Variants in ACYP2 observed in about 807,000 individuals in gnomAD.
ACYP2 encodes acylphosphatase 2.
Under a neutral mutation model 11.2 loss-of-function variants are expected in ACYP2, and 12 were observed. The ratio of observed to expected loss-of-function variants is 1.08; its 90% CI spans 0.69 to 1.74. The LOEUF is 1.74. Ranked by LOEUF, ACYP2 falls within the 40% of genes most tolerant of loss-of-function variation. The pLI is 0.00. For synonymous variants in ACYP2, 43 were observed against 32.2 expected (o/e 1.33, Z -1.13); for missense variants, 134 against 101.9 (o/e 1.31, Z -1.35).
chr2:54,090,729 C>T (rs949660315), intron 4 of ACYP2, among the ~76,000 whole-genome samples: 4 of 152,224 alleles, frequency 2.6e-5, no homozygotes, highest in Non-Finnish European at 5.9e-5. Context: ...CGCTCTTCCT[C>T]TTTCTCTTTG....
At chr2:54,089,536 G>A (rs1391668565) in intron 4 of ACYP2, among the ~76,000 whole-genome samples, 2 of 151,760 alleles carry the variant, frequency 1.3e-5, no homozygotes, top group East Asian at 2.0e-4. Context: ...TGAGGAGTTC[G>A]AGACCAGCCT....
At chr2:54,105,022 C>G (rs940879340) in intron 4 of ACYP2, among the ~76,000 whole-genome samples, 2 of 152,108 alleles carry the variant, frequency 1.3e-5, no homozygotes, top group Admixed American at 1.3e-4. Context: ...CTAGTGGTCT[C>G]TGGAAGATAT....
At chr2:54,286,168 G>A (rs1285574159) in intron 6 of ACYP2, among the ~76,000 whole-genome samples, 5 of 150,334 alleles carry the variant, frequency 3.3e-5, no homozygotes, top group South Asian at 2.1e-4. Flanking sequence ...CAAGATGGGA[G>A]GATTTCTTGA....
chr2:54,300,171 T>A (rs553548241), intron 6 of ACYP2, among the ~76,000 whole-genome samples: 9 of 152,322 alleles, frequency 5.9e-5, no homozygotes, highest in Admixed American at 1.3e-4. Context: ...ATGAGTCCAC[T>A]CATCTCTTGA....
intron 4 of ACYP2, among the ~76,000 whole-genome samples, chr2:54,072,254 T>G (rs1426465201): frequency 6.6e-6 from 1 of 152,174 alleles, no homozygotes; most frequent in Admixed American, 6.5e-5. Flanking sequence ...TTTTCCAAAT[T>G]AATCTACAGA....
intron 6 of ACYP2, among the ~76,000 whole-genome samples, chr2:54,220,410 C>T (rs537733068): frequency 1.2e-4 from 18 of 152,250 alleles, no homozygotes; most frequent in Admixed American, 1.0e-3. Context: ...ACTTAAATTT[C>T]AATGCAGTTA....
intron 4 of ACYP2, among the ~76,000 whole-genome samples, chr2:54,117,754 CT>C (rs961870303): frequency 6.6e-6 from 1 of 152,076 alleles, no homozygotes; most frequent in Non-Finnish European, 1.5e-5. Context: ...GTAAAGAGAT[CT>C]TTTTTTAATT....
At chr2:54,137,720 G>T (rs1159289804) in intron 5 of ACYP2, among the ~76,000 whole-genome samples, 1 of 152,126 alleles carries the variant, frequency 6.6e-6, no homozygotes, top group Non-Finnish European at 1.5e-5. Flanking sequence ...CTTGGCTATT[G>T]TGAATACTGC....
At chr2:54,143,764 G>GGA (rs1553380132) in intron 6 of ACYP2, among the ~76,000 whole-genome samples, 1 of 127,146 alleles carries the variant, frequency 7.9e-6, no homozygotes, top group African/African-American at 3.0e-5. Context: ...TTTTGGGGGG[G>GGA]GGGTATTCTA....
At chr2:54,269,822 A>G (rs1461597196) in intron 6 of ACYP2, among the ~76,000 whole-genome samples, 1 of 152,222 alleles carries the variant, frequency 6.6e-6, no homozygotes, top group African/African-American at 2.4e-5. Flanking sequence ...TTCTATATCA[A>G]TAACAATTTT....
At chr2:54,000,816 A>G (rs1349376747) in intron 2 of ACYP2, among the ~76,000 whole-genome samples, 1 of 152,140 alleles carries the variant, frequency 6.6e-6, no homozygotes, top group Non-Finnish European at 1.5e-5. Context: ...ACCACGTCAT[A>G]TGGTCTTCTA....
intron 6 of ACYP2, among the ~76,000 whole-genome samples, chr2:54,244,447 C>T (rs1686864397): frequency 6.6e-6 from 1 of 152,150 alleles, no homozygotes; most frequent in Non-Finnish European, 1.5e-5. Context: ...AGTGATCTGC[C>T]TGCCTCAGCC....
chr2:54,198,847 A>G (rs1421991175), intron 6 of ACYP2, among the ~76,000 whole-genome samples: 3 of 152,196 alleles, frequency 2.0e-5, no homozygotes, highest in Non-Finnish European at 4.4e-5. Context: ...AACTGTGGAA[A>G]TGTGGCACAA....
chr2:53,971,345 G>T (rs972560128), intron 1 of ACYP2: 5 of 152,488 alleles, frequency 3.3e-5, no homozygotes, highest in African/African-American at 1.2e-4. Flanking sequence ...CCCTAGCCGA[G>T]CAGCCCCGGC....
At chr2:54,213,005 T>C (rs1668584067) in intron 6 of ACYP2, among the ~76,000 whole-genome samples, 1 of 152,052 alleles carries the variant, frequency 6.6e-6, no homozygotes, top group Non-Finnish European at 1.5e-5. Flanking sequence ...GTAAATTGCA[T>C]GTCACAGTTG....
chr2:54,024,097 A>T (rs1358186670), intron 2 of ACYP2, among the ~76,000 whole-genome samples: 3 of 152,150 alleles, frequency 2.0e-5, no homozygotes, highest in African/African-American at 7.2e-5. Context: ...ATCCAGGCTG[A>T]GTGCGGTGGC....
chr2:54,304,676 G>C lies in ACYP2; in HGVS notation c.405-12G>C, dbSNP rs750674193. On this transcript the variant is annotated splice_polypyrimidine_tract_variant and intron_variant, in intron 6 of 6. Transcript: ENST00000607452. ...GTATGCTAATTTTATTTATTTATCT[G>C]TTTTTTTATAGGAAGTCCTGGCTGA... is the stretch of plus-strand genomic sequence containing the variant. 3.1e-6 allele frequency: 5 copies of C among 1,588,656 alleles called. No individual in the cohort carries two copies. In the African/African-American group the frequency reaches 6.8e-5, roughly 21 times the overall value.
At chr2:54,208,767 C>G (rs542499921) in intron 6 of ACYP2, among the ~76,000 whole-genome samples, 2 of 151,568 alleles carry the variant, frequency 1.3e-5, no homozygotes, top group Non-Finnish European at 2.9e-5. Context: ...GAAAAATTGT[C>G]ATATGCATAC....
intron 2 of ACYP2, among the ~76,000 whole-genome samples, chr2:54,047,311 G>A (rs1573602525): frequency 6.6e-6 from 1 of 152,268 alleles, no homozygotes; most frequent in East Asian, 1.9e-4. Context: ...CTCATGCATG[G>A]CATATTTCTT....
Sources: allele counts gnomAD v4.1 joint callset (sites outside exome capture counted in the v4.1 genomes callset), GRCh38; gene constraint gnomAD v4.1.1; transcripts MANE v1.5; gene names NCBI Gene and HGNC (gene_info 2026-07-23, HGNC 2026-07-21).